LRMDA: variants seen among roughly 807,000 people sequenced by gnomAD.
LRMDA encodes the protein leucine rich melanocyte differentiation associated, also known as leucine-rich melanocyte differentiation-associated protein.
LRMDA carries 18 observed loss-of-function variants against 29.8 expected under a neutral mutation model. That is an observed-to-expected ratio of 0.60 (90% CI 0.42 to 0.90). The LOEUF is 0.90. LRMDA is among the 40% of genes least tolerant of loss of function. LRMDA has a pLI of 0.00. For missense variants in LRMDA, 273 were observed against 273.9 expected, an observed-to-expected ratio of 1.00 and a Z score of 0.02; for synonymous variants, 125 against 109.4, an observed-to-expected ratio of 1.14 and a Z score of -0.89.
intron 2 of LRMDA, among the ~76,000 whole-genome samples, chr10:75,466,928 A>G (rs1021588404): frequency 3.9e-5 from 6 of 152,072 alleles, no homozygotes; most frequent in African/African-American, 1.4e-4. Context: ...AAATAGGTTT[A>G]GTTGGTGATT....
rs116233276 is a variant in LRMDA at position 76,486,249 on chromosome 10, T to G, written c.602-70960T>G. On this transcript the variant is annotated intron_variant, in intron 6 of 6. Coordinates refer to ENST00000611255, the MANE Select transcript of LRMDA (RefSeq NM_001305581.2). ...TGATATCCATACCGCAAGTTCTGTTTTGCCTTCTGTAGGTGGTAATTCCAA... is the reference window on the plus strand; with the variant it reads ...TGATATCCATACCGCAAGTTCTGTTGTGCCTTCTGTAGGTGGTAATTCCAA... Among the ~76,000 whole-genome samples, 765 of 152,092 alleles carry G rather than the reference T, an allele frequency of 5.0e-3. 1 individual carries two copies. Among genetic ancestry groups the G allele is most frequent in the African/African-American group, 0.017 (722 of 41,550 alleles).
intron 2 of LRMDA, among the ~76,000 whole-genome samples, chr10:75,555,966 C>T (rs137906781): frequency 1.1e-4 from 16 of 152,066 alleles, no homozygotes; most frequent in East Asian, 3.9e-4. Context: ...GAGATGACAG[C>T]GCAAGAGTCA....
chr10:75,982,450 G>A (rs59095874), intron 2 of LRMDA, among the ~76,000 whole-genome samples: 3,165 of 152,206 alleles, frequency 0.021, 62 homozygotes, highest in East Asian at 0.064. Flanking sequence ...TCCCATACAC[G>A]AGACCATTGT....
chr10:76,361,532 T>A (rs1841312807), intron 6 of LRMDA, among the ~76,000 whole-genome samples: 1 of 152,110 alleles, frequency 6.6e-6, no homozygotes, highest in African/African-American at 2.4e-5. Flanking sequence ...TTGTGATGGA[T>A]GGGGTCAAGC....
At chr10:76,493,193 T>C (rs1229171765) in intron 6 of LRMDA, among the ~76,000 whole-genome samples, 1 of 152,068 alleles carries the variant, frequency 6.6e-6, no homozygotes, top group Non-Finnish European at 1.5e-5. Context: ...TTATTGCACC[T>C]AAGCTGGCAC....
chr10:76,222,335 C>T (rs1851858830), intron 5 of LRMDA, among the ~76,000 whole-genome samples: 1 of 152,068 alleles, frequency 6.6e-6, no homozygotes, highest in Admixed American at 6.6e-5. Flanking sequence ...AACAGGCAAC[C>T]TACAAAATGG....
At chr10:76,235,765 C>T (rs566149544) in intron 5 of LRMDA, among the ~76,000 whole-genome samples, 65 of 152,218 alleles carry the variant, frequency 4.3e-4, no homozygotes, top group African/African-American at 1.3e-3. Context: ...AACTGTATGA[C>T]GAATAAGGGT....
intron 6 of LRMDA, among the ~76,000 whole-genome samples, chr10:76,404,939 G>A (rs1357430656): frequency 6.6e-6 from 1 of 152,156 alleles, no homozygotes; most frequent in Non-Finnish European, 1.5e-5. Flanking sequence ...GAAGATGAAG[G>A]AAGGGTCCAC....
chr10:75,856,168 T>C (rs1844822442), intron 2 of LRMDA, among the ~76,000 whole-genome samples: 1 of 152,190 alleles, frequency 6.6e-6, no homozygotes, highest in Non-Finnish European at 1.5e-5. Flanking sequence ...TATGGCCATT[T>C]TCATGATATT....
intron 2 of LRMDA, among the ~76,000 whole-genome samples, chr10:75,931,012 A>T (rs1469566525): frequency 6.6e-6 from 1 of 152,222 alleles, no homozygotes; most frequent in Non-Finnish European, 1.5e-5. Flanking sequence ...GCAAAGTTGC[A>T]GGATTTTGCC....
intron 2 of LRMDA, among the ~76,000 whole-genome samples, chr10:75,791,394 T>C (rs553281936): frequency 1.8e-4 from 28 of 152,322 alleles, no homozygotes; most frequent in African/African-American, 5.3e-4. Context: ...TGTATTGATA[T>C]ACAACCAAAC....
At chr10:76,129,007 A>G (rs1849937743) in intron 5 of LRMDA, among the ~76,000 whole-genome samples, 1 of 152,174 alleles carries the variant, frequency 6.6e-6, no homozygotes. Flanking sequence ...AAAGTGATAA[A>G]TAATTTAAAT....
intron 2 of LRMDA, among the ~76,000 whole-genome samples, chr10:75,861,468 A>G (rs954006551): frequency 2.0e-5 from 3 of 152,246 alleles, no homozygotes; most frequent in Non-Finnish European, 2.9e-5. Context: ...GACTGGCTGC[A>G]GTATTCCTTG....
At chr10:75,498,696 C>T (rs1185671392) in intron 2 of LRMDA, among the ~76,000 whole-genome samples, 1 of 152,056 alleles carries the variant, frequency 6.6e-6, no homozygotes, top group Non-Finnish European at 1.5e-5. Flanking sequence ...TGCTGCTTGA[C>T]TAAGTGGGTA....
intron 5 of LRMDA, among the ~76,000 whole-genome samples, chr10:76,316,467 T>C (rs1021716790): frequency 6.6e-5 from 10 of 152,164 alleles, no homozygotes; most frequent in Non-Finnish European, 1.0e-4. Flanking sequence ...ATGTGGGATC[T>C]GGGCCGGTAG....
At chr10:76,366,508 G>T (rs1195543280) in intron 6 of LRMDA, among the ~76,000 whole-genome samples, 3 of 152,084 alleles carry the variant, frequency 2.0e-5, no homozygotes, top group Non-Finnish European at 4.4e-5. Context: ...TATTTTTATT[G>T]CAGCTATTGT....
intron 2 of LRMDA, among the ~76,000 whole-genome samples, chr10:75,676,338 A>C (rs1320324206): frequency 6.6e-6 from 1 of 152,216 alleles, no homozygotes; most frequent in East Asian, 1.9e-4. Context: ...ATGTTGCAGG[A>C]TGTGTGTCTT....
intron 5 of LRMDA, among the ~76,000 whole-genome samples, chr10:76,159,201 G>A (rs1850598125): frequency 6.6e-6 from 1 of 152,094 alleles, no homozygotes; most frequent in African/African-American, 2.4e-5. Context: ...TTTCAAATAA[G>A]GAAATGCACA....
chr10:75,945,112 A>G (rs1166353636), intron 2 of LRMDA, among the ~76,000 whole-genome samples: 3 of 152,120 alleles, frequency 2.0e-5, no homozygotes, highest in Non-Finnish European at 4.4e-5. Flanking sequence ...ATAGATTGCA[A>G]TTTCTGGTAT....
Sources: allele counts gnomAD v4.1 joint callset (sites outside exome capture counted in the v4.1 genomes callset), GRCh38; gene constraint gnomAD v4.1.1; transcripts MANE v1.5; gene names NCBI Gene and HGNC (gene_info 2026-07-23, HGNC 2026-07-21).